Variants in PHRF1 observed in about 807,000 individuals in gnomAD.
The protein encoded by PHRF1 is PHD and RING finger domain-containing protein 1.
In PHRF1, 53 loss-of-function variants were observed where a neutral mutation model predicts 128.9. The observed-to-expected ratio is 0.41, with a 90% confidence interval of 0.33 to 0.52. The LOEUF (loss-of-function observed/expected upper bound fraction) is 0.52, where lower values mean the gene tolerates loss of function less well. Among genes scored for constraint, PHRF1 ranks in the 20% least tolerant of loss-of-function variants. The probability of loss-of-function intolerance (pLI) is 0.21; values close to 1 mark genes in which losing one functional copy is unlikely to be tolerated. For missense variants in PHRF1, 2,503 were observed against 2,284.5 expected (o/e 1.10, Z -1.95); for synonymous variants, 1,178 against 980.6 (o/e 1.20, Z -3.76).
chr11:610,870 C>A (rs1856341743), intron 16 of PHRF1, 84 bp from the exon 17 acceptor site: 4 of 1,586,760 alleles, frequency 2.5e-6, no homozygotes, highest in Admixed American at 3.4e-5. Context: ...TCTGGAACTG[C>A]AAGGGTGTCC....
intron 3 of PHRF1, among the ~76,000 whole-genome samples, chr11:582,909 C>T (rs1854293459): frequency 1.3e-5 from 2 of 151,570 alleles, no homozygotes; most frequent in South Asian, 4.2e-4. Context: ...TGGTAGACGC[C>T]TGTAATCCCA....
intron 10 of PHRF1, among the ~76,000 whole-genome samples, chr11:603,729 G>GTTTTT (rs71022937): frequency 0.01 from 794 of 78,142 alleles, 2 homozygotes; most frequent in East Asian, 0.014. Context: ...ATTTAAGTTT[G>GTTTTT]TTTTTTTTTT....
chr11:605,018 T>C, intron 10 of PHRF1, 101 bp from the exon 11 acceptor site: 2 of 1,202,636 alleles, frequency 1.7e-6, no homozygotes, highest in Non-Finnish European at 1.2e-6. Context: ...CCGGCTCTAG[T>C]GTTCACTGTT....
At position 608,987 on chromosome 11, in the gene PHRF1, G is replaced by T; in HGVS notation, c.3531G>T (p.Arg1177=). The T allele has an allele frequency of 6.2e-7, 1 of 1,606,324 alleles. No homozygotes were observed. The highest frequency in any genetic ancestry group is 8.5e-7 in the Non-Finnish European group (1 of 1,177,304). The change falls in exon 14 of 18, where the codon CGG becomes CGT. Residue 1177 remains arginine, a synonymous_variant. Transcript: ENST00000264555. Reference sequence around the variant, plus strand: ...AGCACAGGGCACGGGAGCACAGGCGGCCTCGGTCCCGTGAGAAGTGGCCGC... The same window carrying T: ...AGCACAGGGCACGGGAGCACAGGCGTCCTCGGTCCCGTGAGAAGTGGCCGC... ...SSEHRAREHR[R]PRSREKWPQT... is the part of the protein sequence containing the mutation.
intron 1 of PHRF1, 39 bp from the exon 2 acceptor site, chr11:581,452 TG>T: frequency 6.3e-7 from 1 of 1,584,520 alleles, no homozygotes; most frequent in Non-Finnish European, 8.6e-7. Flanking sequence ...CTTTGCAGCC[TG>T]GGACAGTTTG....
chr11:590,824 C>A (rs368184624), intron 4 of PHRF1, among the ~76,000 whole-genome samples: 1 of 152,164 alleles, frequency 6.6e-6, no homozygotes, highest in African/African-American at 2.4e-5. Flanking sequence ...CTGCCTCAGC[C>A]TCCCGAGTAG....
intron 4 of PHRF1, among the ~76,000 whole-genome samples, chr11:587,743 C>T (rs972192483): frequency 6.6e-5 from 10 of 152,152 alleles, no homozygotes; most frequent in Admixed American, 4.6e-4. Flanking sequence ...CCCTGGTTGA[C>T]ATAGGGGCCA....
Position 605,318 on chromosome 11 carries a change from G to A in PHRF1, c.1334+18G>A. 6.2e-7 allele frequency: 1 copy of A among 1,608,150 alleles called. No homozygotes were observed. Among genetic ancestry groups the A allele is most frequent in the East Asian group, 2.2e-5 (1 of 44,692 alleles). On this transcript the variant is annotated intron_variant, in intron 11 of 17. Coordinates refer to ENST00000264555, the MANE Select transcript of PHRF1 (RefSeq NM_001286581.2). Reference sequence around the variant, plus strand: ...TTCGACAGGTGAGTGAACTGGTGATGGTCCTGCCTGGGCACCCGCTCCTCT... The same window carrying A: ...TTCGACAGGTGAGTGAACTGGTGATAGTCCTGCCTGGGCACCCGCTCCTCT...
intron 3 of PHRF1, among the ~76,000 whole-genome samples, chr11:586,023 G>A (rs1263695829): frequency 4.6e-5 from 7 of 151,976 alleles, no homozygotes; most frequent in Admixed American, 2.6e-4. Flanking sequence ...CACCACACCC[G>A]GCTATTTTTG....
chr11:598,171 C>T (rs1226738068), intron 8 of PHRF1, among the ~76,000 whole-genome samples: 1 of 152,222 alleles, frequency 6.6e-6, no homozygotes, highest in Non-Finnish European at 1.5e-5. Context: ...CTGTCCCCCA[C>T]CCGCCTTGCC....
intron 12 of PHRF1, among the ~76,000 whole-genome samples, chr11:606,100 A>G (rs146455916): frequency 1.2e-3 from 190 of 152,372 alleles, no homozygotes; most frequent in Non-Finnish European, 2.2e-3. Context: ...CCACAAGAAC[A>G]AAAAATTAAC....
rs750525402 is a variant in PHRF1, at chr11:609,083, G to T, written c.3627G>T (p.Gly1209=). 16 of 1,602,930 alleles carry T rather than the reference G, an allele frequency of 1.0e-5. No homozygotes were observed. The highest frequency in any genetic ancestry group is 1.3e-5 in the Non-Finnish European group (15 of 1,175,380). The change falls in exon 14 of 18, where the codon GGG becomes GGT. Residue 1209 remains glycine (G), a synonymous_variant. Transcript: ENST00000264555. ...REASPAPLAQ[G]EPGREDLPTR... ...CTTCCCCAGCGCCCCTTGCACAGGG[G>T]GAGCCAGGGCGGGAAGACCTCCCCA...
At chr11:583,294 G>A (rs924839177) in intron 3 of PHRF1, among the ~76,000 whole-genome samples, 13 of 152,000 alleles carry the variant, frequency 8.6e-5, no homozygotes, top group Admixed American at 5.9e-4. Context: ...AGCCAAGATC[G>A]CCACTGCACT....
rs1856043181 is a variant in PHRF1, at chr11:607,740, C to A, written c.2284C>A (p.Leu762Met). The change falls in exon 14 of 18, where the codon CTG becomes ATG. Residue 762 changes from leucine (L) to methionine (M), a missense_variant. By Grantham distance (15) the Leu-to-Met change is conservative (BLOSUM62 2). Transcript: ENST00000264555. The part of the protein sequence containing the change: ...APSSHGSLAP[L>M]GPSRGKGVGS... ...CAGCTCCCATGGCAGTTTGGCCCCACTGGGACCATCAAGAGGGAAAGGGGT... is the reference window on the plus strand; with the variant it reads ...CAGCTCCCATGGCAGTTTGGCCCCAATGGGACCATCAAGAGGGAAAGGGGT... 6.2e-7 allele frequency: 1 copy of A among 1,612,218 alleles called. No homozygotes were observed. Among genetic ancestry groups the A allele is most frequent in the Non-Finnish European group, 8.5e-7 (1 of 1,179,636 alleles).
Position 605,137 on chromosome 11 carries a change from T to C in PHRF1, c.1171T>C (p.Ser391Pro), listed in dbSNP as rs748209636. The change falls in exon 11 of 18, where the codon TCT becomes CCT. Residue 391 changes from serine to proline, a missense_variant. Ser to Pro is a moderately conservative substitution (Grantham distance 74, BLOSUM62 -1). Transcript: ENST00000264555. ...KKVKSEATTRSRIARTLGLRR... is the reference protein window; with the variant it reads ...KKVKSEATTRPRIARTLGLRR... ...GATTCAGAGTGAAGCCACCACTCGC[T>C]CTCGAATCGCGCGGACGCTGGGCCT... 4 of 1,611,374 alleles carry C rather than the reference T, an allele frequency of 2.5e-6. No individual in the cohort carries two copies. Among genetic ancestry groups the C allele is most frequent in the Non-Finnish European group, 2.5e-6 (3 of 1,178,030 alleles).
At chr11:580,860 T>G (rs1854161361) in intron 1 of PHRF1, among the ~76,000 whole-genome samples, 1 of 152,180 alleles carries the variant, frequency 6.6e-6, no homozygotes, top group Non-Finnish European at 1.5e-5. Flanking sequence ...GGCTAATTTT[T>G]GTATTTTTAG....
At position 603,620 on chromosome 11, in the gene PHRF1, C is replaced by T. The variant is rs184814950; in HGVS notation, c.1153-1499C>T. 9.9e-5 allele frequency among the ~76,000 whole-genome samples: 15 copies of T among 152,048 alleles called. No individual in the cohort carries two copies. In the East Asian group the frequency reaches 1.2e-3, roughly 12 times the overall value. ...AAAGTGCTGGGATTACAGGTGTGAG[C>T]GCCAAGTCTGCTGCATCTTTATGTG... On this transcript the variant is annotated intron_variant, in intron 10 of 17. Transcript: ENST00000264555.
At chr11:611,166 G>C (rs1856369386) in intron 17 of PHRF1, 84 bp downstream of exon 17, 1 of 1,576,106 alleles carries the variant, frequency 6.3e-7, no homozygotes, top group Non-Finnish European at 8.6e-7. Context: ...ACTTTGGGGT[G>C]GCCATGAGTG....
rs202141408 is a variant in PHRF1, at chr11:611,758, C to G, written c.4931C>G (p.Thr1644Arg). Residue 1644 changes from threonine (T) to arginine (R), a missense_variant, in exon 18 of 18, where the codon ACG (threonine) becomes AGG (arginine). Coordinates refer to ENST00000264555, the MANE Select transcript of PHRF1 (RefSeq NM_001286581.2). ...KKPEAGEEPP[T>R]QGAEG is the part of the protein sequence containing the mutation. Reference sequence around the variant, plus strand: ...CCAGAGGCCGGGGAGGAGCCGCCCACGCAGGGGGCCGAGGGCTGAGGCCAG... The same window carrying G: ...CCAGAGGCCGGGGAGGAGCCGCCCAGGCAGGGGGCCGAGGGCTGAGGCCAG... 1.2e-6 allele frequency: 2 copies of G among 1,608,190 alleles called. No individual in the cohort carries two copies. Among genetic ancestry groups the G allele is most frequent in the African/African-American group, 2.7e-5 (2 of 74,872 alleles).
Sources: gnomAD v4.1 joint callset for allele counts (sites outside exome capture counted in the v4.1 genomes callset) on GRCh38, gnomAD v4.1.1 for gene constraint, MANE v1.5 for transcripts, NCBI Gene and HGNC (gene_info 2026-07-23, HGNC 2026-07-21) for gene names.